MINAR1: variants seen among roughly 807,000 people sequenced by gnomAD.
The protein encoded by MINAR1 is membrane integral NOTCH2 associated receptor 1.
In MINAR1, 40 loss-of-function variants were observed where a neutral mutation model predicts 65.1. That is an observed-to-expected ratio of 0.61 (90% CI 0.48 to 0.80). The LOEUF (loss-of-function observed/expected upper bound fraction) is 0.80. Ranked by LOEUF, MINAR1 falls within the 30% of genes least tolerant of loss-of-function variation. The pLI is 0.00. For missense variants in MINAR1, 1,128 were observed against 1,148.0 expected (o/e 0.98, Z 0.25); for synonymous variants, 482 against 449.1 (o/e 1.07, Z -0.93).
At chr15:79,450,552 T>G (rs1595940727) in intron 1 of MINAR1, among the ~76,000 whole-genome samples, 1 of 149,452 alleles carries the variant, frequency 6.7e-6, no homozygotes. Context: ...AAAAAAAAGC[T>G]GAATAATGAA....
chr15:79,457,095 G>T lies in MINAR1; in HGVS notation c.948G>T (p.Val316=). 1.2e-6 allele frequency: 2 copies of T among 1,614,136 alleles called. No homozygotes were observed. Among genetic ancestry groups the T allele is most frequent in the Middle Eastern group, 1.6e-4 (1 of 6,062 alleles). The change falls in exon 2 of 4, where the codon GTG becomes GTT. Residue 316 remains valine (V), a synonymous_variant. Transcript: ENST00000305428. ...ATAACAGCCAGTACCTGAATCCAGTGTATTCCCCGGTTCCTGACAAAAGGC... is the reference window on the plus strand; with the variant it reads ...ATAACAGCCAGTACCTGAATCCAGTTTATTCCCCGGTTCCTGACAAAAGGC... ...MPYNSQYLNP[V]YSPVPDKRRA...
In MINAR1 at chr15:79,463,144, G is replaced by T. The variant is rs768775476; in HGVS notation, c.2376G>T (p.Val792=). 1.9e-6 allele frequency: 3 copies of T among 1,614,196 alleles called. No individual in the cohort carries two copies. The highest frequency in any genetic ancestry group is 2.5e-6 in the Non-Finnish European group (3 of 1,180,048). Reference sequence around the variant, plus strand: ...AAGATGGCTTCCTGGTGGAGCAGGTGTTCAGCCCTCACCCCTACCCTGCCT... The same window carrying T: ...AAGATGGCTTCCTGGTGGAGCAGGTTTTCAGCCCTCACCCCTACCCTGCCT... ...QPKDGFLVEQ[V]FSPHPYPASL... is the part of the protein sequence containing the mutation. The change falls in exon 3 of 4, where the codon GTG becomes GTT. Residue 792 remains valine (V), a synonymous_variant. Transcript: ENST00000305428.
intron 1 of MINAR1, among the ~76,000 whole-genome samples, chr15:79,448,650 A>G (rs1165535736): frequency 3.9e-5 from 6 of 152,304 alleles, no homozygotes; most frequent in Non-Finnish European, 7.4e-5. Context: ...ACTTTATTTC[A>G]GTTTTTGAAA....
rs1268360952 is a variant in MINAR1, at chr15:79,446,857, CTTGAT to C, written c.-50-9238_-50-9234del. Reference sequence around the variant, plus strand: ...TCCTTCTATGCTCATGTCTCTTAAGCTTGATTTAATGGTTTTTGTTGTTGTCATTG... The same window carrying C: ...TCCTTCTATGCTCATGTCTCTTAAGCTTAATGGTTTTTGTTGTTGTCATTG... On this transcript the variant is annotated intron_variant, in intron 1 of 3. Transcript: ENST00000305428. Among the ~76,000 whole-genome samples the C allele has an allele frequency of 2.0e-5, 3 of 152,006 alleles. No homozygotes were observed. In the East Asian group the frequency reaches 5.8e-4, roughly 29 times the overall value.
intron 1 of MINAR1, 97 bp from the exon 2 acceptor site, chr15:79,456,001 G>T: frequency 3.0e-6 from 2 of 668,124 alleles, no homozygotes; most frequent in Non-Finnish European, 5.0e-6. Flanking sequence ...GTTTTTCTCT[G>T]TATTTCTTTA....
intron 1 of MINAR1, among the ~76,000 whole-genome samples, chr15:79,455,263 TTC>T (rs949361559): frequency 6.6e-6 from 1 of 152,192 alleles, no homozygotes; most frequent in African/African-American, 2.4e-5. Flanking sequence ...GCACATTATT[TTC>T]TTTCATTTTT....
At position 79,457,132 on chromosome 15, in the gene MINAR1, G is replaced by A. The variant is rs754502054; in HGVS notation, c.985G>A (p.Glu329Lys). 30 of 1,613,996 alleles carry A rather than the reference G, an allele frequency of 1.9e-5. No individual in the cohort carries two copies. Among genetic ancestry groups the A allele is most frequent in the South Asian group, 4.4e-5 (4 of 91,072 alleles). The change falls in exon 2 of 4, where the codon GAA becomes AAA. Residue 329 changes from glutamate (E) to lysine (K), a missense_variant. Coordinates refer to ENST00000305428, the MANE Select transcript of MINAR1 (RefSeq NM_015206.3). Reference protein sequence around the residue: ...PVPDKRRAKHESLDDLQASTY... With the variant: ...PVPDKRRAKHKSLDDLQASTY... ...TCCTGACAAAAGGCGAGCAAAGCAC[G>A]AAAGCTTAGATGACCTTCAAGCCTC...
chr15:79,417,973 G>A, the MINAR1 span: 9 of 152,360 alleles, frequency 5.9e-5, no homozygotes, highest in South Asian at 2.1e-4. Context: ...TTTACGAAGC[G>A]AAGATAAACT....
Position 79,458,380 on chromosome 15 carries a change from A to G in MINAR1, c.2233A>G (p.Asn745Asp). The stretch of plus-strand genomic sequence containing the variant: ...CACTTATACCAACCGTGTGGGCCTC[A>G]ATGAGGAGGAGATAAAAGACACAGG... ...TITYTNRVGL[N>D]EEEIKDTGPG... Residue 745 changes from asparagine (N) to aspartate (D), a missense_variant, in exon 2 of 4, where the codon AAT becomes GAT. Physicochemically the swap from Asn to Asp is conservative, Grantham distance 23 (BLOSUM62 1). Transcript: ENST00000305428. The G allele has an allele frequency of 6.2e-7, 1 of 1,614,210 alleles. No individual in the cohort carries two copies. Among genetic ancestry groups the G allele is most frequent in the Non-Finnish European group, 8.5e-7 (1 of 1,180,038 alleles).
chr15:79,445,813 G>T (rs921625958), intron 1 of MINAR1, among the ~76,000 whole-genome samples: 2 of 152,212 alleles, frequency 1.3e-5, no homozygotes, highest in Non-Finnish European at 2.9e-5. Flanking sequence ...CTCCCAAAGT[G>T]CTGGGATTAC....
Position 79,457,296 on chromosome 15 carries a change from T to C in MINAR1, c.1149T>C (p.Phe383=). Residue 383 remains phenylalanine (F), a synonymous_variant, in exon 2 of 4, where the codon TTT becomes TTC. Transcript: ENST00000305428. The part of the protein sequence containing the change: ...TEEVPDFERS[F]FNRNPSEEKL... ...AAGTTCCTGACTTTGAACGGTCCTT[T>C]TTCAATAGAAATCCCTCCGAGGAGA... 1 of 1,614,194 alleles carries C rather than the reference T, an allele frequency of 6.2e-7. No homozygotes were observed. The highest frequency in any genetic ancestry group is 8.5e-7 in the Non-Finnish European group (1 of 1,180,032).
intron 1 of MINAR1, among the ~76,000 whole-genome samples, chr15:79,437,654 T>TGG (rs1294384189): frequency 2.0e-5 from 2 of 99,790 alleles, no homozygotes; most frequent in Non-Finnish European, 4.1e-5. Context: ...GGTGTGGGTG[T>TGG]GTGTAGGTAG....
intron 3 of MINAR1, among the ~76,000 whole-genome samples, chr15:79,467,261 C>CAATCT (rs1236709922): frequency 2.0e-5 from 3 of 152,188 alleles, no homozygotes; most frequent in African/African-American, 7.2e-5. Flanking sequence ...GAGCATTAAA[C>CAATCT]AATCTAAGAA....
At chr15:79,464,615 A>G (rs1018850963) in intron 3 of MINAR1, among the ~76,000 whole-genome samples, 2 of 152,126 alleles carry the variant, frequency 1.3e-5, no homozygotes, top group Non-Finnish European at 2.9e-5. Context: ...GTGGAGTTTT[A>G]TGTTACAAAA....
At chr15:79,465,659 AGACACTGTTTG>A (rs1370115192) in intron 3 of MINAR1, among the ~76,000 whole-genome samples, 2 of 152,108 alleles carry the variant, frequency 1.3e-5, no homozygotes, top group African/African-American at 4.8e-5. Flanking sequence ...TGTGTCATTT[AGACACTGTTTG>A]GCTTCTGGGC....
intron 1 of MINAR1, among the ~76,000 whole-genome samples, chr15:79,440,849 T>C (rs1310635816): frequency 1.3e-5 from 2 of 152,214 alleles, no homozygotes; most frequent in Non-Finnish European, 1.5e-5. Context: ...TAATACACTC[T>C]AAATTTTACT....
chr15:79,445,067 A>T (rs2141282990), intron 1 of MINAR1, among the ~76,000 whole-genome samples: 1 of 152,084 alleles, frequency 6.6e-6, no homozygotes. Flanking sequence ...TATATTATTG[A>T]GTGTCGATAT....
chr15:79,456,673 A>C lies in MINAR1; in HGVS notation c.526A>C (p.Asn176His), dbSNP rs747747223. ...CPQFVPASEP[N>H]FLLGVSKEVK... ...ACAGTTTGTCCCTGCCTCTGAGCCTAACTTCCTGTTGGGAGTTAGCAAAGA... is the reference window on the plus strand; with the variant it reads ...ACAGTTTGTCCCTGCCTCTGAGCCTCACTTCCTGTTGGGAGTTAGCAAAGA... The change falls in exon 2 of 4, where the codon AAC becomes CAC. Residue 176 changes from asparagine to histidine, a missense_variant. Transcript: ENST00000305428. 9.3e-6 allele frequency: 15 copies of C among 1,614,046 alleles called. No individual in the cohort carries two copies. Among genetic ancestry groups the C allele is most frequent in the Non-Finnish European group, 1.3e-5 (15 of 1,180,040 alleles).
intron 3 of MINAR1, chr15:79,463,793 AGTT>A (rs1162652238): frequency 5.1e-5 from 23 of 454,634 alleles, no homozygotes; most frequent in Non-Finnish European, 8.8e-5. Flanking sequence ...CTGTGAATGC[AGTT>A]GTGGCTGGAG....
Sources: allele counts gnomAD v4.1 joint callset (sites outside exome capture counted in the v4.1 genomes callset), GRCh38; gene constraint gnomAD v4.1.1; transcripts MANE v1.5; gene names NCBI Gene and HGNC (gene_info 2026-07-23, HGNC 2026-07-21).